The following HIP1 variants were observed in gnomAD, a reference collection of about 807,000 sequenced individuals.
HIP1 encodes huntingtin-interacting protein 1.
A neutral mutation model predicts 147.6 loss-of-function variants in HIP1; 65 were observed. That is an observed-to-expected ratio of 0.44 (90% confidence interval 0.36 to 0.54). The LOEUF (loss-of-function observed/expected upper bound fraction) is 0.54. Ranked by LOEUF, HIP1 falls within the 20% of genes least tolerant of loss-of-function variation. HIP1 has a pLI of 0.00. For missense variants in HIP1, 1,061 were observed against 1,299.6 expected (o/e 0.82, Z 2.82); for synonymous variants, 479 against 504.0 (o/e 0.95, Z 0.67).
chr7:75,544,804 A>G lies in HIP1; in HGVS notation c.2661-4T>C. On this transcript the variant is annotated splice_polypyrimidine_tract_variant and splice_region_variant and intron_variant, in intron 26 of 30. Transcript: ENST00000336926. ...TACCACCAGATCAGCTGCATCCCTG[A>G]TGGAAAACGACAAGAGGGACTAGGT... 1 of 1,579,386 alleles carries G rather than the reference A, an allele frequency of 6.3e-7. No individual in the cohort carries two copies. The highest frequency in any genetic ancestry group is 8.7e-7 in the Non-Finnish European group (1 of 1,148,424).
chr7:75,595,252 C>CT (rs1236147985), intron 2 of HIP1, among the ~76,000 whole-genome samples: 3,120 of 79,122 alleles, frequency 0.039, 62 homozygotes, highest in East Asian at 0.065. Context: ...TTCTTTCTTT[C>CT]TTCCTTCCTT....
chr7:75,698,501 T>C (rs1307477154), intron 1 of HIP1, among the ~76,000 whole-genome samples: 8 of 152,106 alleles, frequency 5.3e-5, no homozygotes, highest in Non-Finnish European at 5.9e-5. Flanking sequence ...AGGAAGTCTA[T>C]TGTAAAGCTG....
intron 1 of HIP1, among the ~76,000 whole-genome samples, chr7:75,622,277 A>G (rs1227359643): frequency 2.2e-5 from 1 of 44,666 alleles, no homozygotes; most frequent in African/African-American, 1.1e-4. Context: ...ACTCTGTCTC[A>G]AAAAAAAAAA....
At chr7:75,584,231 T>C (rs1261534929) in intron 5 of HIP1, among the ~76,000 whole-genome samples, 1 of 151,750 alleles carries the variant, frequency 6.6e-6, no homozygotes, top group Admixed American at 6.6e-5. Flanking sequence ...CCCAGAGTGC[T>C]GGGATTACAA....
intron 1 of HIP1, among the ~76,000 whole-genome samples, chr7:75,653,410 T>C (rs1799052794): frequency 6.6e-6 from 1 of 151,904 alleles, no homozygotes. Flanking sequence ...CCCAGCACTT[T>C]GGGAGGCTGA....
At chr7:75,661,165 C>A (rs1241878366) in intron 1 of HIP1, among the ~76,000 whole-genome samples, 6 of 151,782 alleles carry the variant, frequency 4.0e-5, no homozygotes, top group African/African-American at 1.2e-4. Flanking sequence ...ATAGTCCCAG[C>A]TACTCAGGAG....
intron 1 of HIP1, among the ~76,000 whole-genome samples, chr7:75,673,342 C>A (rs1799783337): frequency 6.6e-6 from 1 of 151,980 alleles, no homozygotes; most frequent in South Asian, 2.1e-4. Context: ...TTTTTCAAGA[C>A]TGTTTTGCTT....
intron 5 of HIP1, 134 bp downstream of exon 5, chr7:75,586,619 A>G: frequency 1.5e-6 from 1 of 661,542 alleles, no homozygotes; most frequent in East Asian, 2.7e-5. Flanking sequence ...CAGCTTGGGT[A>G]CATGATGTGC....
intron 7 of HIP1, among the ~76,000 whole-genome samples, chr7:75,577,614 T>A (rs1480735352): frequency 6.6e-5 from 10 of 152,182 alleles, no homozygotes; most frequent in African/African-American, 2.4e-4. Flanking sequence ...GTTGAGGGCC[T>A]GCTATTCACC....
chr7:75,591,982 T>C (rs1283314597), intron 4 of HIP1, 74 bp downstream of exon 4: 1 of 1,182,908 alleles, frequency 8.5e-7, no homozygotes, highest in African/African-American at 1.5e-5. Context: ...TATTTCACCC[T>C]CCAGTCCTTG....
At chr7:75,641,898 T>A (rs1437932884) in intron 1 of HIP1, among the ~76,000 whole-genome samples, 1 of 152,172 alleles carries the variant, frequency 6.6e-6, no homozygotes, top group Non-Finnish European at 1.5e-5. Flanking sequence ...CCAGCAACAA[T>A]CCCCGCTCCC....
At chr7:75,574,039 C>T in intron 7 of HIP1, 138 bp from the exon 8 acceptor site, 2 of 630,848 alleles carry the variant, frequency 3.2e-6, no homozygotes, top group Non-Finnish European at 2.8e-6. Context: ...TTCATTTAAC[C>T]TTCACAACAC....
intron 5 of HIP1, among the ~76,000 whole-genome samples, chr7:75,585,763 C>T (rs1796246330): frequency 6.6e-6 from 1 of 151,974 alleles, no homozygotes; most frequent in South Asian, 2.1e-4. Context: ...GACCCCTGTA[C>T]ACCCCGCAGC....
At chr7:75,606,895 A>G (rs1797244183) in intron 1 of HIP1, among the ~76,000 whole-genome samples, 1 of 152,200 alleles carries the variant, frequency 6.6e-6, no homozygotes, top group South Asian at 2.1e-4. Context: ...TCCATTCTGC[A>G]GATGAAGAAA....
chr7:75,549,354 C>T (rs1194275193), intron 22 of HIP1, among the ~76,000 whole-genome samples: 1 of 147,186 alleles, frequency 6.8e-6, no homozygotes, highest in Non-Finnish European at 1.5e-5. Flanking sequence ...TTTTCTTTTG[C>T]TTTCTTTCTT....
At chr7:75,578,740 T>G (rs1453467408) in intron 7 of HIP1, among the ~76,000 whole-genome samples, 2 of 152,174 alleles carry the variant, frequency 1.3e-5, no homozygotes, top group Admixed American at 6.6e-5. Context: ...CCACATACGT[T>G]GTTCCCACCA....
Position 75,568,454 on chromosome 7 carries a change from C to T in HIP1, c.746-198G>A, listed in dbSNP as rs1554495987. ...AGGAACCAGCAGGAGTGTGGAGACGCTTATCCTCCAAATCCTTTCACTTCA... is the reference window on the plus strand; with the variant it reads ...AGGAACCAGCAGGAGTGTGGAGACGTTTATCCTCCAAATCCTTTCACTTCA... On this transcript the variant is annotated intron_variant, in intron 8 of 30. Transcript: ENST00000336926. This position sits in a 1 kb window ranked among gnomAD's most constrained non-coding sequence, Gnocchi z 4.1. Among the ~76,000 whole-genome samples, 1 of 152,150 alleles carries T rather than the reference C, an allele frequency of 6.6e-6. No individual in the cohort carries two copies. Among genetic ancestry groups the T allele is most frequent in the African/African-American group, 2.4e-5 (1 of 41,448 alleles).
intron 1 of HIP1, among the ~76,000 whole-genome samples, chr7:75,668,177 C>G (rs1380815357): frequency 6.6e-6 from 1 of 152,162 alleles, no homozygotes; most frequent in Non-Finnish European, 1.5e-5. Flanking sequence ...TGGCACCAAA[C>G]CAAAAGTCAG....
intron 1 of HIP1, among the ~76,000 whole-genome samples, chr7:75,645,916 A>C (rs1185205770): frequency 6.6e-6 from 1 of 152,194 alleles, no homozygotes; most frequent in Non-Finnish European, 1.5e-5. Flanking sequence ...AAAGATGGGA[A>C]CAACAGACAC....
Sources: allele counts gnomAD v4.1 joint callset (sites outside exome capture counted in the v4.1 genomes callset), GRCh38; gene constraint gnomAD v4.1.1; non-coding constraint Gnocchi (gnomAD v3.1); transcripts MANE v1.5; gene names NCBI Gene and HGNC (gene_info 2026-07-23, HGNC 2026-07-21).